The following RUVBL1 variants were observed in gnomAD, a reference collection of about 807,000 sequenced individuals.
RUVBL1 encodes the protein ruvB-like 1.
A neutral mutation model predicts 52.4 loss-of-function variants in RUVBL1; 4 were observed. That is an observed-to-expected ratio of 0.08 (90% CI 0.04 to 0.17). RUVBL1 has a LOEUF of 0.17. RUVBL1 is among the 10% of genes least tolerant of loss of function. RUVBL1 has a pLI of 1.00. For synonymous variants in RUVBL1, 217 were observed against 214.4 expected, an observed-to-expected ratio of 1.01 and a Z score of -0.10; for missense variants, 298 against 572.8, an observed-to-expected ratio of 0.52 and a Z score of 4.90.
At chr3:128,128,258 G>A (rs947392243), upstream of RUVBL1, among the ~76,000 whole-genome samples, 16 of 152,168 alleles carry the variant, frequency 1.1e-4, no homozygotes, top group African/African-American at 3.9e-4. Flanking sequence ...AAAATGCTGG[G>A]ATTACAGGCA....
At chr3:128,123,862 G>A, upstream of RUVBL1, 1 of 1,346,308 alleles carries the variant, frequency 7.4e-7, no homozygotes, top group Non-Finnish European at 9.6e-7. Flanking sequence ...TGGTGGAAGC[G>A]GGAACACCTC....
chr3:128,083,708 C>T (rs1383029846), intron 9 of RUVBL1: 1 of 152,398 alleles, frequency 6.6e-6, no homozygotes, highest in African/African-American at 2.4e-5. Flanking sequence ...CACCCGCGGC[C>T]ACCACTGCTG....
upstream of RUVBL1, among the ~76,000 whole-genome samples, chr3:128,126,945 C>T (rs901497179): frequency 2.0e-5 from 3 of 152,240 alleles, no homozygotes; most frequent in African/African-American, 4.8e-5. Flanking sequence ...GTGGTAAACA[C>T]GTGGCCCTGG....
chr3:128,105,311 A>G (rs1433932580), intron 3 of RUVBL1, among the ~76,000 whole-genome samples: 2 of 151,724 alleles, frequency 1.3e-5, no homozygotes, highest in African/African-American at 4.8e-5. Context: ...TGGTAGGGAC[A>G]GGGTTTCACC....
intron 1 of RUVBL1, among the ~76,000 whole-genome samples, chr3:128,133,251 G>A (rs1296359255): frequency 6.6e-6 from 1 of 152,200 alleles, no homozygotes; most frequent in Non-Finnish European, 1.5e-5. Context: ...GGATTCCTAA[G>A]GTTTCTGACT....
chr3:128,080,238 C>T (rs1428694179), downstream of RUVBL1, among the ~76,000 whole-genome samples: 1 of 152,180 alleles, frequency 6.6e-6, no homozygotes, highest in Non-Finnish European at 1.5e-5. Flanking sequence ...ATTTGAGCAA[C>T]AAAATAAATC....
intron 6 of RUVBL1, among the ~76,000 whole-genome samples, chr3:128,099,239 C>T (rs1943059560): frequency 6.6e-6 from 1 of 152,222 alleles, no homozygotes; most frequent in Non-Finnish European, 1.5e-5. Flanking sequence ...AGACTACCAG[C>T]CCTGCCCTGG....
Position 128,081,491 on chromosome 3 carries a change from T to A in RUVBL1, c.1212-82A>T. The stretch of plus-strand genomic sequence containing the variant: ...TTCCCCCCACATCAGTAGGCAGCAC[T>A]GGCACCAGGAGCAGAGCCCAGTGCT... On this transcript the variant is annotated intron_variant, in intron 10 of 10. Transcript: ENST00000322623. This position sits in a 1 kb window ranked among gnomAD's most constrained non-coding sequence, Gnocchi z 4.8. 7.0e-7 allele frequency: 1 copy of A among 1,428,798 alleles called. No homozygotes were observed. 88.5% of individuals were successfully genotyped at this position (1,428,798 alleles called of 1,614,324 possible). A position where few individuals can be genotyped will look rare whatever the true frequency, so the allele number is the denominator to read the frequency against.
intron 1 of RUVBL1, among the ~76,000 whole-genome samples, chr3:128,140,458 T>G (rs779527029): frequency 2.6e-5 from 4 of 152,028 alleles, no homozygotes; most frequent in African/African-American, 4.8e-5. Flanking sequence ...ATGGGCATGC[T>G]TATTATTTCA....
intron 6 of RUVBL1, among the ~76,000 whole-genome samples, chr3:128,099,632 A>C (rs748604130): frequency 1.2e-4 from 18 of 152,178 alleles, no homozygotes; most frequent in Non-Finnish European, 1.6e-4. Context: ...CAAGAGGAAG[A>C]GGCTGGTGTT....
intron 1 of RUVBL1, among the ~76,000 whole-genome samples, chr3:128,137,156 A>G (rs1287956167): frequency 6.6e-6 from 1 of 152,242 alleles, no homozygotes; most frequent in Non-Finnish European, 1.5e-5. Context: ...TTAAATAACT[A>G]GAAAAGCAAG....
At chr3:128,143,134 A>T (rs1418412035) in intron 1 of RUVBL1, among the ~76,000 whole-genome samples, 1 of 148,822 alleles carries the variant, frequency 6.7e-6, no homozygotes, top group Non-Finnish European at 1.5e-5. Context: ...GCCCACCCTG[A>T]TACTCCAGGA....
At chr3:128,152,593 G>GCTATAT (rs1944238378) in intron 1 of RUVBL1, among the ~76,000 whole-genome samples, 1 of 152,164 alleles carries the variant, frequency 6.6e-6, no homozygotes, top group South Asian at 2.1e-4. Context: ...AGCGGGCACT[G>GCTATAT]TAGCCCAGCG....
At chr3:128,132,822 T>C (rs952306550) in intron 1 of RUVBL1, among the ~76,000 whole-genome samples, 42 of 152,024 alleles carry the variant, frequency 2.8e-4, no homozygotes, top group Admixed American at 2.4e-3. Flanking sequence ...TTCCCAGTTG[T>C]GATGGCCACA....
chr3:128,153,863 G>A (rs1439030336), exon 1 of RUVBL1: 1 of 1,462,812 alleles, frequency 6.8e-7, no homozygotes, highest in Non-Finnish European at 8.9e-7. Flanking sequence ...TCAGGGACGC[G>A]GGCGGAGCGA....
chr3:128,136,623 C>CA (rs56097921), intron 1 of RUVBL1, among the ~76,000 whole-genome samples: 78,766 of 112,050 alleles, frequency 0.7, 26,277 homozygotes, highest in East Asian at 0.85. Context: ...GAGACCCTGT[C>CA]AAAAAAAAAA....
intron 1 of RUVBL1, among the ~76,000 whole-genome samples, chr3:128,151,176 T>A (rs544242748): frequency 3.9e-4 from 52 of 133,526 alleles, no homozygotes; most frequent in African/African-American, 1.4e-3. Flanking sequence ...ATATACTCTA[T>A]ATACATTCTA....
At chr3:128,084,384 A>G (rs1028623823) in intron 9 of RUVBL1, 1 of 152,284 alleles carries the variant, frequency 6.6e-6, no homozygotes, top group Admixed American at 6.5e-5. Context: ...GCTTCAAGGT[A>G]AAAACGGCTT....
At chr3:128,088,801 C>T (rs1015916398) in intron 8 of RUVBL1, among the ~76,000 whole-genome samples, 2 of 152,092 alleles carry the variant, frequency 1.3e-5, no homozygotes, top group African/African-American at 2.4e-5. Context: ...TTAATATTTA[C>T]TTAACAATCC....
Sources: allele counts gnomAD v4.1 joint callset (sites outside exome capture counted in the v4.1 genomes callset), GRCh38; gene constraint gnomAD v4.1.1; non-coding constraint Gnocchi (gnomAD v3.1); transcripts MANE v1.5; gene names NCBI Gene and HGNC (gene_info 2026-07-23, HGNC 2026-07-21).